Variants in RNU6ATAC observed in about 807,000 individuals in gnomAD.
RNU6ATAC encodes RNA, U6atac small nuclear (U12-dependent splicing).
At chr9:134,164,506 G>A (rs1041889612) in exon 1 of RNU6ATAC, 11 of 151,354 alleles carry the variant, frequency 7.3e-5, no homozygotes, top group African/African-American at 2.7e-4. Context: ...TGTCAGGCCC[G>A]AGGGCCTCTT....
Sources: gnomAD v4.1 joint callset for allele counts on GRCh38, gnomAD v4.1.1 for gene constraint, MANE v1.5 for transcripts, NCBI Gene and HGNC (gene_info 2026-07-23, HGNC 2026-07-21) for gene names.